Variants in SLC25A12 observed in about 807,000 individuals in gnomAD.
SLC25A12 encodes solute carrier family 25 member 12.
Under a neutral mutation model 83.3 loss-of-function variants are expected in SLC25A12, and 32 were observed. That is an observed-to-expected ratio of 0.38 (90% CI 0.29 to 0.52). The LOEUF (loss-of-function observed/expected upper bound fraction) is 0.52, where lower values mean the gene tolerates loss of function less well. SLC25A12 is among the 20% of genes least tolerant of loss of function. The pLI is 0.84. For synonymous variants in SLC25A12, 267 were observed against 291.1 expected (o/e 0.92, Z 0.84); for missense variants, 611 against 835.6 (o/e 0.73, Z 3.31).
chr2:171,828,183 C>A (rs1392812415), intron 8 of SLC25A12, among the ~76,000 whole-genome samples: 1 of 152,204 alleles, frequency 6.6e-6, no homozygotes, highest in Non-Finnish European at 1.5e-5. Context: ...GGGCAACTAG[C>A]CAGAGCCACT....
intron 13 of SLC25A12, among the ~76,000 whole-genome samples, chr2:171,794,691 A>AAAAT (rs1277789605): frequency 1.3e-5 from 2 of 152,130 alleles, no homozygotes; most frequent in Non-Finnish European, 2.9e-5. Flanking sequence ...AAAAATAAAT[A>AAAAT]AAATATATAT....
chr2:171,822,329 T>G (rs975797584), intron 9 of SLC25A12, among the ~76,000 whole-genome samples: 1 of 152,226 alleles, frequency 6.6e-6, no homozygotes, highest in African/African-American at 2.4e-5. Flanking sequence ...AATGTAAGTG[T>G]ATTATTACTC....
intron 8 of SLC25A12, among the ~76,000 whole-genome samples, 156 bp downstream of exon 8, chr2:171,833,800 CCTTTGTT>C (rs929876081): frequency 1.3e-4 from 20 of 151,774 alleles, no homozygotes; most frequent in African/African-American, 4.8e-4. Flanking sequence ...TCTTTCCTCT[CCTTTGTT>C]ACATCTGCTT....
intron 2 of SLC25A12, among the ~76,000 whole-genome samples, chr2:171,892,779 T>C (rs1206826914): frequency 6.6e-6 from 1 of 152,172 alleles, no homozygotes; most frequent in Admixed American, 6.5e-5. Flanking sequence ...TAAGAATAGC[T>C]ATAATATTCT....
intron 6 of SLC25A12, among the ~76,000 whole-genome samples, chr2:171,835,957 G>C (rs1684547085): frequency 6.6e-6 from 1 of 152,084 alleles, no homozygotes; most frequent in Non-Finnish European, 1.5e-5. Context: ...AAAAAATTGA[G>C]GCTATTATAG....
chr2:171,877,258 T>C (rs901925485), intron 2 of SLC25A12, among the ~76,000 whole-genome samples: 3 of 152,152 alleles, frequency 2.0e-5, no homozygotes, highest in Non-Finnish European at 4.4e-5. Flanking sequence ...CATTTAAAAA[T>C]GTTTTGCCTA....
At chr2:171,890,182 T>C (rs979816390) in intron 2 of SLC25A12, among the ~76,000 whole-genome samples, 1 of 152,234 alleles carries the variant, frequency 6.6e-6, no homozygotes, top group Non-Finnish European at 1.5e-5. Flanking sequence ...TACTGAACAG[T>C]ATTGTATTGA....
intron 2 of SLC25A12, among the ~76,000 whole-genome samples, chr2:171,871,931 A>AAG (rs1469349242): frequency 2.7e-5 from 4 of 149,986 alleles, no homozygotes; most frequent in Non-Finnish European, 5.9e-5. Context: ...AAAAAAAAAA[A>AAG]AAAAAAAAGT....
At position 171,792,114 on chromosome 2, in the gene SLC25A12, G is replaced by A. The variant is rs966335938; in HGVS notation, c.1447-525C>T. On this transcript the variant is annotated intron_variant, in intron 14 of 17. Coordinates refer to ENST00000422440, the MANE Select transcript of SLC25A12 (RefSeq NM_003705.5). ...TAAATAGCAGACAAAATATTTTAGC[G>A]GCAGGTTTCCACAGGAGTAGAAAAT... Among the ~76,000 whole-genome samples, 60 of 151,844 alleles carry A rather than the reference G, an allele frequency of 4.0e-4. 1 individual carries two copies. Among genetic ancestry groups the A allele is most frequent in the African/African-American group, 1.4e-3 (58 of 41,324 alleles).
intron 13 of SLC25A12, among the ~76,000 whole-genome samples, chr2:171,807,202 A>G (rs1683851756): frequency 6.6e-6 from 1 of 152,192 alleles, no homozygotes; most frequent in East Asian, 1.9e-4. Context: ...GTGGTGAAGA[A>G]CTGCAGACAA....
At chr2:171,822,374 A>T (rs1684211275) in intron 9 of SLC25A12, among the ~76,000 whole-genome samples, 1 of 152,132 alleles carries the variant, frequency 6.6e-6, no homozygotes, top group South Asian at 2.1e-4. Flanking sequence ...AAAGATGCAT[A>T]CTGCTATCCC....
At chr2:171,826,500 C>T (rs948823839) in intron 9 of SLC25A12, among the ~76,000 whole-genome samples, 3 of 151,872 alleles carry the variant, frequency 2.0e-5, no homozygotes, top group Non-Finnish European at 2.9e-5. Context: ...CCCAATTACT[C>T]GGGGAGGCTG....
intron 17 of SLC25A12, 32 bp from the exon 18 acceptor site, chr2:171,785,507 T>A (rs1273267072): frequency 1.9e-6 from 3 of 1,600,260 alleles, no homozygotes; most frequent in Non-Finnish European, 2.6e-6. Context: ...ATGGTTAGCA[T>A]GCTCAAGGTG....
At chr2:171,808,421 G>A (rs1412444872) in intron 13 of SLC25A12, among the ~76,000 whole-genome samples, 2 of 151,774 alleles carry the variant, frequency 1.3e-5, no homozygotes, top group African/African-American at 4.8e-5. Context: ...TGTAGTTACC[G>A]TTATTATTGT....
In SLC25A12 at chr2:171,785,297, C is replaced by T; in HGVS notation, c.2014G>A (p.Ala672Thr). ...SPSVAVVQPK[A>T]AVAATQ Reference sequence around the variant, plus strand: ...CATCACTGAGTGGCTGCCACTGCTGCCTTTGGCTGAACCACAGCAACACTA... The same window carrying T: ...CATCACTGAGTGGCTGCCACTGCTGTCTTTGGCTGAACCACAGCAACACTA... Residue 672 changes from alanine (A) to threonine (T), a missense_variant, in exon 18 of 18, where the codon GCA (alanine) becomes ACA (threonine). This residue lies in a region of SLC25A12 where 37 missense variants were observed against 35.1 expected (regional missense o/e 1.05). Coordinates refer to ENST00000422440, the MANE Select transcript of SLC25A12 (RefSeq NM_003705.5). The T allele has an allele frequency of 1.2e-6, 2 of 1,614,006 alleles. No homozygotes were observed. The highest frequency in any genetic ancestry group is 1.7e-6 in the Non-Finnish European group (2 of 1,180,020).
At chr2:171,820,958 T>C (rs1265733836) in intron 9 of SLC25A12, among the ~76,000 whole-genome samples, 1 of 151,492 alleles carries the variant, frequency 6.6e-6, no homozygotes, top group African/African-American at 2.4e-5. Flanking sequence ...CGTTCTACTG[T>C]TGGTGAGTAT....
In SLC25A12 at chr2:171,813,485, G is replaced by A; in HGVS notation, c.1025C>T (p.Thr342Ile). 6.2e-7 allele frequency: 1 copy of A among 1,614,020 alleles called. No individual in the cohort carries two copies. The highest frequency in any genetic ancestry group is 8.5e-7 in the Non-Finnish European group (1 of 1,179,948). The change falls in exon 11 of 18, where the codon ACT (threonine) becomes ATT (isoleucine). Residue 342 changes from threonine to isoleucine, a missense_variant. Coordinates refer to ENST00000422440, the MANE Select transcript of SLC25A12 (RefSeq NM_003705.5). ...LGSVAGAVGA[T>I]AVYPIDLVKT... ...CACCAGATCTATAGGATACACTGCA[G>A]TGGCTCCCACAGCTACAAACAGAAC...
chr2:171,889,152 T>G (rs1268370571), intron 2 of SLC25A12, among the ~76,000 whole-genome samples: 1 of 152,178 alleles, frequency 6.6e-6, no homozygotes, highest in Non-Finnish European at 1.5e-5. Context: ...CCTTGCTTTA[T>G]ATACAAGGAA....
chr2:171,858,958 T>C (rs1364995480), intron 3 of SLC25A12, among the ~76,000 whole-genome samples: 1 of 152,242 alleles, frequency 6.6e-6, no homozygotes, highest in Non-Finnish European at 1.5e-5. Context: ...AGACAAATCA[T>C]ATATTCATGC....
Sources: gnomAD v4.1 joint callset for allele counts (sites outside exome capture counted in the v4.1 genomes callset) on GRCh38, gnomAD v4.1.1 for gene constraint, gnomAD v4.1.1 regional missense constraint, MANE v1.5 for transcripts, NCBI Gene and HGNC (gene_info 2026-07-23, HGNC 2026-07-21) for gene names.